Variants in SLC17A8 observed in about 807,000 individuals in gnomAD.
The protein encoded by SLC17A8 is solute carrier family 17 member 8.
In SLC17A8, 31 loss-of-function variants were observed where a neutral mutation model predicts 58.0. That is an observed-to-expected ratio of 0.53 (90% CI 0.40 to 0.72). SLC17A8 has a LOEUF of 0.72. Among genes scored for constraint, SLC17A8 ranks in the 30% least tolerant of loss-of-function variants. The pLI is 0.00. For synonymous variants in SLC17A8, 228 were observed against 249.0 expected, an observed-to-expected ratio of 0.92 and a Z score of 0.79; for missense variants, 655 against 727.8, an observed-to-expected ratio of 0.90 and a Z score of 1.15.
intron 1 of SLC17A8, among the ~76,000 whole-genome samples, chr12:100,363,738 TC>T (rs1952499946): frequency 6.6e-6 from 1 of 152,012 alleles, no homozygotes. Context: ...CGCAGCTGCA[TC>T]TTTAAGAAGC....
At chr12:100,360,075 T>C (rs1168569432) in intron 1 of SLC17A8, among the ~76,000 whole-genome samples, 1 of 152,136 alleles carries the variant, frequency 6.6e-6, no homozygotes, top group Non-Finnish European at 1.5e-5. Context: ...CATTTGAGAG[T>C]TCGCACACAG....
At chr12:100,397,332 C>T (rs543654147) in intron 5 of SLC17A8, among the ~76,000 whole-genome samples, 34 of 152,272 alleles carry the variant, frequency 2.2e-4, no homozygotes, top group Middle Eastern at 3.4e-3. Context: ...CCTTACTTCA[C>T]GCTCCTACCA....
intron 2 of SLC17A8, among the ~76,000 whole-genome samples, chr12:100,389,834 C>T (rs200561779): frequency 0.1 from 9,422 of 92,010 alleles, 892 homozygotes; most frequent in East Asian, 0.56. Flanking sequence ...ATTATTATTA[C>T]TATTGAGATG....
chr12:100,366,133 C>T (rs1290718491), intron 1 of SLC17A8, among the ~76,000 whole-genome samples: 2 of 145,522 alleles, frequency 1.4e-5, no homozygotes, highest in Admixed American at 1.4e-4. Context: ...CCCCTGCATC[C>T]TTTAAATCTC....
chr12:100,410,449 C>T (rs1430447971), intron 9 of SLC17A8, among the ~76,000 whole-genome samples: 2 of 149,610 alleles, frequency 1.3e-5, no homozygotes, highest in African/African-American at 2.5e-5. Context: ...GAGCCAAGAT[C>T]ACGCTGCTGC....
At chr12:100,390,675 C>T (rs1206009980) in intron 2 of SLC17A8, among the ~76,000 whole-genome samples, 1 of 151,948 alleles carries the variant, frequency 6.6e-6, no homozygotes, top group Non-Finnish European at 1.5e-5. Context: ...TGGGGTTTCA[C>T]TCTGTTGCCC....
At chr12:100,392,164 G>A (rs1416780598) in intron 3 of SLC17A8, among the ~76,000 whole-genome samples, 1 of 151,896 alleles carries the variant, frequency 6.6e-6, no homozygotes, top group Non-Finnish European at 1.5e-5. Context: ...TCCATAAATG[G>A]ATTTCATGAA....
intron 4 of SLC17A8, among the ~76,000 whole-genome samples, chr12:100,394,867 ATATATAGTGTATG>A (rs1242758871): frequency 6.8e-6 from 1 of 147,852 alleles, no homozygotes; most frequent in Non-Finnish European, 1.5e-5. Flanking sequence ...ATACTGTATC[ATATATAGTGTATG>A]TATATAATAT....
At position 100,380,728 on chromosome 12, in the gene SLC17A8, A is replaced by C. The variant is rs754033147; in HGVS notation, c.129A>C (p.Glu43Asp). The C allele has an allele frequency of 1.5e-5, 25 of 1,613,968 alleles. No individual in the cohort carries two copies. The South Asian group carries it at 2.2e-4, about 14-fold the overall frequency. ...QRKIDGTTEE[E>D]DNIELNEEGR... ...AAATCGATGGGACAACTGAGGAAGA[A>C]GATAACATTGAGCTGAATGAAGAAG... Residue 43 changes from glutamate (E) to aspartate (D), a missense_variant, in exon 2 of 12, where the codon GAA becomes GAC. Transcript: ENST00000323346.
Position 100,357,130 on chromosome 12 carries a change from T to G in SLC17A8, c.-262T>G. 1 of 421,650 alleles carries G rather than the reference T, an allele frequency of 2.4e-6. No homozygotes were observed. The highest frequency in any genetic ancestry group is 4.4e-6 in the Non-Finnish European group (1 of 225,200). The allele number at this position is 421,650 out of a possible 1,614,324, so 26.1% of individuals were successfully genotyped here. A position where few individuals can be genotyped will look rare whatever the true frequency, so the allele number is the denominator to read the frequency against. ...ACAGGCTGCTGCAGAGCGTGCAGCT[T>G]TTGCAAGGGACTGAATTCCCAGCCA... On this transcript the variant is annotated 5_prime_UTR_variant, in exon 1 of 12. Coordinates refer to ENST00000323346, the MANE Select transcript of SLC17A8 (RefSeq NM_139319.3).
rs1952952772 is a variant in SLC17A8, at chr12:100,421,871, A to G, written c.*1712A>G. On this transcript the variant is annotated 3_prime_UTR_variant, in exon 12 of 12. Transcript: ENST00000323346. Reference sequence around the variant, plus strand: ...ATGAGTGAATCCATGCAAGCCCCATAAAACAGTTCCTAGCATGCAGAAAAT... The same window carrying G: ...ATGAGTGAATCCATGCAAGCCCCATGAAACAGTTCCTAGCATGCAGAAAAT... The G allele has an allele frequency of 1.3e-5, 2 of 152,118 alleles. No individual in the cohort carries two copies. Among genetic ancestry groups the G allele is most frequent in the African/African-American group, 4.8e-5 (2 of 41,426 alleles). The allele number at this position is 152,118 out of a possible 1,614,324, so 9.4% of individuals were successfully genotyped here. A position where few individuals can be genotyped will look rare whatever the true frequency, so the allele number is the denominator to read the frequency against.
Position 100,384,628 on chromosome 12 carries a change from C to T in SLC17A8, c.354+3675C>T, listed in dbSNP as rs1309795470. 4.6e-5 allele frequency among the ~76,000 whole-genome samples: 7 copies of T among 152,202 alleles called. No homozygotes were observed. The East Asian group carries it at 5.8e-4, about 13-fold the overall frequency. On this transcript the variant is annotated intron_variant, in intron 2 of 11. Coordinates refer to ENST00000323346, the MANE Select transcript of SLC17A8 (RefSeq NM_139319.3). Reference sequence around the variant, plus strand: ...TTATTGTAGGGCTGTAAGAGGATCTCGTGAAAGCCAAGGGCAGAAAGCAGG... The same window carrying T: ...TTATTGTAGGGCTGTAAGAGGATCTTGTGAAAGCCAAGGGCAGAAAGCAGG...
At chr12:100,391,656 A>C (rs958294849) in intron 3 of SLC17A8, among the ~76,000 whole-genome samples, 1 of 151,774 alleles carries the variant, frequency 6.6e-6, no homozygotes, top group Admixed American at 6.6e-5. Context: ...TTACCTTGCA[A>C]CTCTTCAAGT....
intron 1 of SLC17A8, among the ~76,000 whole-genome samples, chr12:100,365,866 G>A (rs141256844): frequency 4.3e-4 from 66 of 152,182 alleles, no homozygotes; most frequent in African/African-American, 1.5e-3. Context: ...GGTCCAGAAG[G>A]TCTCTCTGAC....
intron 1 of SLC17A8, among the ~76,000 whole-genome samples, chr12:100,376,587 T>A (rs189160853): frequency 6.6e-6 from 1 of 152,222 alleles, no homozygotes; most frequent in South Asian, 2.1e-4. Context: ...ACTACAGTTG[T>A]ATTTTGTGTC....
At chr12:100,391,168 G>A (rs1454936441) in intron 3 of SLC17A8, 49 bp downstream of exon 3, 5 of 1,329,866 alleles carry the variant, frequency 3.8e-6, no homozygotes, top group Non-Finnish European at 5.4e-6. Flanking sequence ...ATGTGGCTTT[G>A]TACCTATAAA....
Position 100,418,104 on chromosome 12 carries a change from C to A in SLC17A8, c.1373C>A (p.Thr458Asn). The A allele has an allele frequency of 1.2e-6, 2 of 1,614,148 alleles. No individual in the cohort carries two copies. Among genetic ancestry groups the A allele is most frequent in the Non-Finnish European group, 1.7e-6 (2 of 1,180,022 alleles). Residue 458 changes from threonine to asparagine, a missense_variant, in exon 11 of 12, where the codon ACC becomes AAC. Physicochemically the swap from Thr to Asn is moderately conservative, Grantham distance 65. Transcript: ENST00000323346. ...ILMGISNGVG[T>N]LSGMVCPLIV... ...ATGGGGATCTCAAACGGAGTGGGAA[C>A]CCTCTCTGGAATGGTCTGTCCCCTC...
intron 9 of SLC17A8, 150 bp downstream of exon 9, chr12:100,404,320 C>A: frequency 1.0e-6 from 1 of 970,238 alleles, no homozygotes; most frequent in Non-Finnish European, 1.6e-6. Context: ...TGAGTGTTGT[C>A]CATCACAGTG....
At chr12:100,411,118 G>A (rs1332728656) in intron 9 of SLC17A8, among the ~76,000 whole-genome samples, 2 of 152,166 alleles carry the variant, frequency 1.3e-5, no homozygotes, top group African/African-American at 4.8e-5. Context: ...AAGAAAGCAC[G>A]TGGTGGCGAT....
Sources: allele counts gnomAD v4.1 joint callset (sites outside exome capture counted in the v4.1 genomes callset), GRCh38; gene constraint gnomAD v4.1.1; transcripts MANE v1.5; gene names NCBI Gene and HGNC (gene_info 2026-07-23, HGNC 2026-07-21).